EGFR: variants seen among roughly 807,000 people sequenced by gnomAD.
EGFR encodes the protein avian erythroblastic leukemia viral (v-erb-b) oncogene homolog.
EGFR carries 58 observed loss-of-function variants against 143.0 expected under a neutral mutation model. The observed-to-expected ratio is 0.41, with a 90% CI of 0.33 to 0.50. The LOEUF (loss-of-function observed/expected upper bound fraction) is 0.50, where lower values mean the gene tolerates loss of function less well. Ranked by LOEUF, EGFR falls within the 20% of genes least tolerant of loss-of-function variation. The probability of loss-of-function intolerance (pLI) is 0.39; values close to 1 mark genes in which losing one functional copy is unlikely to be tolerated. For synonymous variants in EGFR, 613 were observed against 594.4 expected, an observed-to-expected ratio of 1.03 and a Z score of -0.45; for missense variants, 1,307 against 1,579.0, an observed-to-expected ratio of 0.83 and a Z score of 2.92.
At chr7:55,093,624 TTCA>T (rs1262636110) in intron 1 of EGFR, among the ~76,000 whole-genome samples, 8 of 152,238 alleles carry the variant, frequency 5.3e-5, no homozygotes, top group Admixed American at 4.6e-4. Context: ...GTCATTTCTG[TTCA>T]TATCTGTGGA....
rs147479478 is a variant in EGFR at position 55,128,176 on chromosome 7, C to T, written c.89-14110C>T. Reference sequence around the variant, plus strand: ...CACTCCTCTTCTTGCTTCATTACCACGAGTCTCCTAGACCACCGAACGATG... The same window carrying T: ...CACTCCTCTTCTTGCTTCATTACCATGAGTCTCCTAGACCACCGAACGATG... On this transcript the variant is annotated intron_variant, in intron 1 of 27. Transcript: ENST00000275493. Among the ~76,000 whole-genome samples the T allele has an allele frequency of 3.7e-4, 57 of 152,318 alleles. 1 individual carries two copies. The highest frequency in any genetic ancestry group is 1.3e-3 in the African/African-American group (54 of 41,570).
At position 55,142,779 on chromosome 7, in the gene EGFR, T is replaced by C. The variant is rs1584142859; in HGVS notation, c.240+342T>C. Reference sequence around the variant, plus strand: ...TTGCACCATTTGCCTATTCCCTTAGTGTAAATACTCCTACTATAGCTGATT... The same window carrying C: ...TTGCACCATTTGCCTATTCCCTTAGCGTAAATACTCCTACTATAGCTGATT... On this transcript the variant is annotated intron_variant, in intron 2 of 27. Transcript: ENST00000275493. 2.6e-5 allele frequency among the ~76,000 whole-genome samples: 4 copies of C among 152,314 alleles called. 1 individual carries two copies. Among genetic ancestry groups the C allele is most frequent in the Admixed American group, 2.6e-4 (4 of 15,304 alleles).
At position 55,155,825 on chromosome 7, in the gene EGFR, C is replaced by T. The variant is rs754229667; in HGVS notation, c.890-5C>T. ...ATCACCTTCCTTTCATGCTCTCTTC[C>T]CCAGGTAATTATGTGGTGACAGATC... On this transcript the variant is annotated splice_polypyrimidine_tract_variant and splice_region_variant and intron_variant, in intron 7 of 27. Coordinates refer to ENST00000275493, the MANE Select transcript of EGFR (RefSeq NM_005228.5). 3 of 1,613,328 alleles carry T rather than the reference C, an allele frequency of 1.9e-6. No homozygotes were observed. Among genetic ancestry groups the T allele is most frequent in the Non-Finnish European group, 1.7e-6 (2 of 1,179,300 alleles).
In EGFR at chr7:55,055,390, C is replaced by T. The variant is rs17289078; in HGVS notation, c.88+36025C>T. On this transcript the variant is annotated intron_variant, in intron 1 of 27. Coordinates refer to ENST00000275493, the MANE Select transcript of EGFR (RefSeq NM_005228.5). Reference sequence around the variant, plus strand: ...CTAGAGTTGAGTATCGCTGTTCTAACGTGCAGATCTGGTCATGTTACCAGC... The same window carrying T: ...CTAGAGTTGAGTATCGCTGTTCTAATGTGCAGATCTGGTCATGTTACCAGC... Among the ~76,000 whole-genome samples the T allele has an allele frequency of 6.7e-3, 1,020 of 152,234 alleles. 9 individuals are homozygous for T. Among genetic ancestry groups the T allele is most frequent in the African/African-American group, 0.023 (951 of 41,544 alleles).
At chr7:55,155,088 G>GTGTTC (rs1785345070) in intron 7 of EGFR, among the ~76,000 whole-genome samples, 1 of 152,250 alleles carries the variant, frequency 6.6e-6, no homozygotes, top group African/African-American at 2.4e-5. Flanking sequence ...ATGGTTCACA[G>GTGTTC]AAGAATCATC....
Position 55,036,531 on chromosome 7 carries a change from A to G in EGFR, c.88+17166A>G, listed in dbSNP as rs577694601. ...CATTATATAAATCTTAAAAATATAT[A>G]TGGTTCACCTGAATCCCCAGCCATT... On this transcript the variant is annotated intron_variant, in intron 1 of 27. Coordinates refer to ENST00000275493, the MANE Select transcript of EGFR (RefSeq NM_005228.5). Among the ~76,000 whole-genome samples, 298 of 152,306 alleles carry G rather than the reference A, an allele frequency of 2.0e-3. 5 individuals are homozygous for G. The South Asian group carries it at 0.059, about 30-fold the overall frequency.
chr7:55,190,608 G>C (rs1441965305), intron 20 of EGFR, among the ~76,000 whole-genome samples: 1 of 152,100 alleles, frequency 6.6e-6, no homozygotes, highest in Admixed American at 6.5e-5. Flanking sequence ...CTCCATACAG[G>C]AGCGGCAGAG....
intron 1 of EGFR, among the ~76,000 whole-genome samples, chr7:55,054,356 G>A (rs974747660): frequency 6.6e-6 from 1 of 152,218 alleles, no homozygotes; most frequent in Admixed American, 6.5e-5. Context: ...AGTTAAGCTT[G>A]CCTGGAAAAC....
intron 1 of EGFR, among the ~76,000 whole-genome samples, chr7:55,025,368 A>C (rs1366635695): frequency 6.6e-6 from 1 of 152,190 alleles, no homozygotes; most frequent in Admixed American, 6.5e-5. Context: ...TATATGTAGC[A>C]GCATAAGAAA....
chr7:55,109,706 C>T lies in EGFR; in HGVS notation c.89-32580C>T, dbSNP rs1428299027. On this transcript the variant is annotated intron_variant, in intron 1 of 27. Coordinates refer to ENST00000275493, the MANE Select transcript of EGFR (RefSeq NM_005228.5). Reference sequence around the variant, plus strand: ...TCCTGGTTTAGGTATAAACTTTTGACTCACAGGACAAATTCTATCATTCCT... The same window carrying T: ...TCCTGGTTTAGGTATAAACTTTTGATTCACAGGACAAATTCTATCATTCCT... The T allele has an allele frequency of 3.0e-6, 3 of 984,254 alleles. No individual in the cohort carries two copies. The African/African-American group carries it at 5.2e-5, about 17-fold the overall frequency. The allele number at this position is 984,254 out of a possible 1,614,324, so 61.0% of individuals were successfully genotyped here. A position where few individuals can be genotyped will look rare whatever the true frequency, so the allele number is the denominator to read the frequency against.
intron 19 of EGFR, 184 bp from the exon 20 acceptor site, chr7:55,181,109 G>A (rs543308686): frequency 1.4e-6 from 1 of 726,382 alleles, no homozygotes; most frequent in Admixed American, 2.4e-5. Flanking sequence ...CACTGCATCT[G>A]TCACTTCACA....
At chr7:55,144,640 C>G (rs901812088) in intron 3 of EGFR, among the ~76,000 whole-genome samples, 3 of 152,188 alleles carry the variant, frequency 2.0e-5, no homozygotes, top group African/African-American at 4.8e-5. Flanking sequence ...CCCCACACCC[C>G]TTGCTGCTCA....
intron 1 of EGFR, among the ~76,000 whole-genome samples, chr7:55,120,767 T>C (rs907298723): frequency 3.3e-5 from 5 of 152,190 alleles, no homozygotes; most frequent in African/African-American, 1.2e-4. Context: ...AGGGCATTCA[T>C]CGGGCTGCAT....
At chr7:55,049,482 C>T (rs560321719) in intron 1 of EGFR, among the ~76,000 whole-genome samples, 2 of 152,258 alleles carry the variant, frequency 1.3e-5, no homozygotes, top group South Asian at 4.1e-4. Context: ...TGTATCAGCC[C>T]TTAAACATCT....
At chr7:55,191,475 T>C (rs1787390878) in intron 20 of EGFR, among the ~76,000 whole-genome samples, 1 of 152,062 alleles carries the variant, frequency 6.6e-6, no homozygotes, top group Non-Finnish European at 1.5e-5. Context: ...TTTGTCCTCA[T>C]ATACGAGCAC....
chr7:55,171,821 C>T (rs1262069898), intron 16 of EGFR, among the ~76,000 whole-genome samples: 2 of 152,200 alleles, frequency 1.3e-5, no homozygotes, highest in Non-Finnish European at 2.9e-5. Flanking sequence ...TGGAATTATA[C>T]ACCGAGCACC....
Position 55,191,872 on chromosome 7 carries a change from A to G in EGFR, c.2623A>G (p.Lys875Glu). 1 of 1,613,682 alleles carries G rather than the reference A, an allele frequency of 6.2e-7. No homozygotes were observed. The highest frequency in any genetic ancestry group is 8.5e-7 in the Non-Finnish European group (1 of 1,180,020). ...EEKEYHAEGG[K>E]VPIKWMALES... ...GAAAGAATACCATGCAGAAGGAGGC[A>G]AAGTAAGGAGGTGGCTTTAGGTCAG... Residue 875 changes from lysine (K) to glutamate (E), a missense_variant and splice_region_variant, in exon 21 of 28, where the codon AAA (lysine) becomes GAA (glutamate). Physicochemically the swap from Lys to Glu is moderately conservative, Grantham distance 56. Around this residue, in one of 7 missense-constraint regions of EGFR, gnomAD observed 348 missense variants for 451.5 expected, o/e 0.77. Transcript: ENST00000275493.
intron 1 of EGFR, among the ~76,000 whole-genome samples, chr7:55,024,020 C>T (rs1319962246): frequency 6.6e-6 from 1 of 152,188 alleles, no homozygotes; most frequent in East Asian, 1.9e-4. Flanking sequence ...GGCATTGGAA[C>T]TTATTCAAAT....
chr7:55,033,592 C>A (rs6957176), intron 1 of EGFR, among the ~76,000 whole-genome samples: 1 of 152,074 alleles, frequency 6.6e-6, no homozygotes, highest in African/African-American at 2.4e-5. Flanking sequence ...TGCACGACAG[C>A]CTTCCAACTA....
Sources: allele counts gnomAD v4.1 joint callset (sites outside exome capture counted in the v4.1 genomes callset), GRCh38; gene constraint gnomAD v4.1.1; regional missense constraint gnomAD v4.1.1; transcripts MANE v1.5; gene names NCBI Gene and HGNC (gene_info 2026-07-23, HGNC 2026-07-21).